The following LAP3 variants were observed in gnomAD, a reference collection of about 807,000 sequenced individuals.
LAP3 encodes leucine aminopeptidase 3, also known as cytosol aminopeptidase.
Under a neutral mutation model 58.8 loss-of-function variants are expected in LAP3, and 46 were observed. The observed-to-expected ratio is 0.78, with a 90% CI of 0.62 to 1.00. LAP3 has a LOEUF of 1.00. Among genes scored for constraint, LAP3 ranks in the 50% least tolerant of loss-of-function variants. The pLI, the probability that LAP3 is intolerant of heterozygous loss-of-function variation, is 0.00. For missense variants in LAP3, 615 were observed against 659.1 expected, an observed-to-expected ratio of 0.93 and a Z score of 0.73; for synonymous variants, 257 against 237.7, an observed-to-expected ratio of 1.08 and a Z score of -0.75.
chr4:17,583,207 T>C lies in LAP3; in HGVS notation c.380-276T>C, dbSNP rs374761224. 4.6e-5 allele frequency among the ~76,000 whole-genome samples: 7 copies of C among 152,312 alleles called. No individual in the cohort carries two copies. In the East Asian group the frequency reaches 9.6e-4, roughly 21 times the overall value. ...GTTTCAGAAATAATCCTAGGAATAA[T>C]TGCCACTTCCTGAGAGCCTGTACGG... is the stretch of plus-strand genomic sequence containing the variant. On this transcript the variant is annotated intron_variant, in intron 4 of 12. Transcript: ENST00000226299.
chr4:17,601,524 A>T (rs1230048430), intron 10 of LAP3, among the ~76,000 whole-genome samples: 1 of 151,400 alleles, frequency 6.6e-6, no homozygotes, highest in Non-Finnish European at 1.5e-5. Context: ...GTGAATAATT[A>T]TATAAAAAAC....
intron 4 of LAP3, chr4:17,582,603 T>C: frequency 2.0e-6 from 1 of 487,846 alleles, no homozygotes; most frequent in Non-Finnish European, 3.7e-6. Context: ...ATTTTTAATA[T>C]ATCTATATCT....
In LAP3 at chr4:17,577,483, T is replaced by A; in HGVS notation, c.18T>A (p.Leu6=). Residue 6 remains leucine (L), a synonymous_variant, in exon 1 of 13, where the codon CTT becomes CTA. Coordinates refer to ENST00000226299, the MANE Select transcript of LAP3 (RefSeq NM_015907.3). Reference sequence around the variant, plus strand: ...CCGACAAGATGTTCTTGCTGCCTCTTCCGGCTGCGGGGCGAGTAGTCGTCC... The same window carrying A: ...CCGACAAGATGTTCTTGCTGCCTCTACCGGCTGCGGGGCGAGTAGTCGTCC... MFLLP[L]PAAGRVVVRR... is the part of the protein sequence containing the mutation. 1.3e-6 allele frequency: 2 copies of A among 1,581,292 alleles called. No individual in the cohort carries two copies. The highest frequency in any genetic ancestry group is 1.7e-6 in the Non-Finnish European group (2 of 1,165,520).
intron 4 of LAP3, among the ~76,000 whole-genome samples, chr4:17,583,097 A>G (rs890817636): frequency 6.6e-6 from 1 of 152,192 alleles, no homozygotes; most frequent in Admixed American, 6.5e-5. Flanking sequence ...AGTTCTTTGG[A>G]TATAATTTCA....
Position 17,607,776 on chromosome 4 carries a change from AAT to A in LAP3, c.*190_*191del, listed in dbSNP as rs1266920928. The A allele has an allele frequency of 4.1e-6, 2 of 492,106 alleles. No individual in the cohort carries two copies. Among genetic ancestry groups the A allele is most frequent in the Non-Finnish European group, 7.1e-6 (2 of 282,212 alleles). The allele number at this position is 492,106 out of a possible 1,614,324, so 30.5% of individuals were successfully genotyped here. On this transcript the variant is annotated 3_prime_UTR_variant, in exon 13 of 13. Coordinates refer to ENST00000226299, the MANE Select transcript of LAP3 (RefSeq NM_015907.3). ...CACAAAGATTTATAAAGGTAAAGTTAATATCTTACTTGATAAGGATTTTTAAG... is the reference window on the plus strand; with the variant it reads ...CACAAAGATTTATAAAGGTAAAGTTAATCTTACTTGATAAGGATTTTTAAG...
intron 10 of LAP3, among the ~76,000 whole-genome samples, chr4:17,601,875 C>T (rs115629514): frequency 0.024 from 3,633 of 152,228 alleles, 138 homozygotes; most frequent in African/African-American, 0.078. Flanking sequence ...GTCAACAGAA[C>T]ATAGTCATAT....
In LAP3 at chr4:17,595,509, G is replaced by C; in HGVS notation, c.963G>C (p.Lys321Asn). 1 of 1,614,016 alleles carries C rather than the reference G, an allele frequency of 6.2e-7. No homozygotes were observed. The highest frequency in any genetic ancestry group is 8.5e-7 in the Non-Finnish European group (1 of 1,179,952). Residue 321 changes from lysine to asparagine, a missense_variant, in exon 8 of 13, where the codon AAG (lysine) becomes AAC (asparagine). Transcript: ENST00000226299. The part of the protein sequence containing the change: ...TICSAIVSAA[K>N]LNLPINIIGL... ...GCTCAGCCATCGTGTCTGCTGCAAAGCTTAATTTGCCCATTAATATTATAG... is the reference window on the plus strand; with the variant it reads ...GCTCAGCCATCGTGTCTGCTGCAAACCTTAATTTGCCCATTAATATTATAG...
At chr4:17,604,736 G>C (rs1714077684) in intron 11 of LAP3, 69 bp downstream of exon 11, 1 of 1,215,280 alleles carries the variant, frequency 8.2e-7, no homozygotes, top group Non-Finnish European at 1.2e-6. Context: ...TAGAAGGATA[G>C]ACTTCTTCAA....
chr4:17,579,778 G>T (rs371281749), intron 1 of LAP3, 46 bp from the exon 2 acceptor site: 9 of 1,075,132 alleles, frequency 8.4e-6, no homozygotes, highest in Non-Finnish European at 1.3e-5. Context: ...CTCTCTAAGG[G>T]ATCTACTCTA....
chr4:17,582,251 G>A, intron 3 of LAP3, 37 bp from the exon 4 acceptor site: 2 of 1,522,536 alleles, frequency 1.3e-6, no homozygotes, highest in Non-Finnish European at 1.8e-6. Flanking sequence ...ATGCTTGAAA[G>A]AAATAAAGTG....
chr4:17,584,834 C>T, intron 5 of LAP3, 138 bp from the exon 6 acceptor site: 3 of 786,618 alleles, frequency 3.8e-6, no homozygotes, highest in South Asian at 3.8e-5. Context: ...AAAAATGAAT[C>T]CAGGTCCTGT....
In LAP3 at chr4:17,599,446, G is replaced by A. The variant is rs188700371; in HGVS notation, c.1180+888G>A. Among the ~76,000 whole-genome samples the A allele has an allele frequency of 2.8e-3, 419 of 152,252 alleles. 2 individuals are homozygous for A. Among genetic ancestry groups the A allele is most frequent in the Non-Finnish European group, 4.6e-3 (312 of 68,024 alleles). On this transcript the variant is annotated intron_variant, in intron 10 of 12. Transcript: ENST00000226299. ...AGCTACTCGGGAGGCTGAGGCAGGAGAATTGCTTAAACCCCAGAGGTGGAG... is the reference window on the plus strand; with the variant it reads ...AGCTACTCGGGAGGCTGAGGCAGGAAAATTGCTTAAACCCCAGAGGTGGAG...
At chr4:17,603,326 G>T (rs1714025727) in intron 10 of LAP3, among the ~76,000 whole-genome samples, 1 of 151,830 alleles carries the variant, frequency 6.6e-6, no homozygotes, top group African/African-American at 2.4e-5. Flanking sequence ...AGGAACACAT[G>T]CTTGAGCACA....
chr4:17,588,483 T>C (rs1477311075), intron 6 of LAP3, among the ~76,000 whole-genome samples: 1 of 152,166 alleles, frequency 6.6e-6, no homozygotes, highest in East Asian at 1.9e-4. Context: ...TAGAAATATC[T>C]GAGTAGATTG....
intron 1 of LAP3, among the ~76,000 whole-genome samples, chr4:17,578,642 A>G (rs1713274317): frequency 6.6e-6 from 1 of 152,246 alleles, no homozygotes; most frequent in Admixed American, 6.5e-5. Flanking sequence ...CAGAGTTGCC[A>G]TGAGGCAGAC....
intron 8 of LAP3, among the ~76,000 whole-genome samples, chr4:17,596,432 C>T (rs567463739): frequency 3.9e-5 from 6 of 152,060 alleles, no homozygotes; most frequent in Non-Finnish European, 7.4e-5. Flanking sequence ...CTCCACCTCC[C>T]GGGTTCAAGT....
intron 7 of LAP3, 67 bp from the exon 8 acceptor site, chr4:17,595,343 T>C: frequency 6.3e-7 from 1 of 1,584,896 alleles, no homozygotes. Context: ...CATCTGTACT[T>C]TTTAAATAAA....
intron 10 of LAP3, among the ~76,000 whole-genome samples, chr4:17,602,327 A>G (rs1714000885): frequency 6.6e-6 from 1 of 152,198 alleles, no homozygotes; most frequent in Non-Finnish European, 1.5e-5. Context: ...CCAGGCAAAT[A>G]ACAAATGAGA....
chr4:17,606,288 C>G (rs1017372616), intron 11 of LAP3, among the ~76,000 whole-genome samples: 2 of 152,182 alleles, frequency 1.3e-5, no homozygotes, highest in East Asian at 3.8e-4. Context: ...GCAAAATGCC[C>G]TACAGATTTG....
Sources: allele counts gnomAD v4.1 joint callset (sites outside exome capture counted in the v4.1 genomes callset), GRCh38; gene constraint gnomAD v4.1.1; transcripts MANE v1.5; gene names NCBI Gene and HGNC (gene_info 2026-07-23, HGNC 2026-07-21).